Variants in RPH3A observed in about 807,000 individuals in gnomAD.
The protein encoded by RPH3A is rabphilin-3A.
Under a neutral mutation model 102.2 loss-of-function variants are expected in RPH3A, and 48 were observed. The ratio of observed to expected loss-of-function variants is 0.47; its 90% CI spans 0.37 to 0.60. RPH3A has a LOEUF of 0.60. Among genes scored for constraint, RPH3A ranks in the 20% least tolerant of loss-of-function variants. The pLI, the probability that RPH3A is intolerant of heterozygous loss-of-function variation, is 0.00. For synonymous variants in RPH3A, 310 were observed against 324.3 expected, an observed-to-expected ratio of 0.96 and a Z score of 0.47; for missense variants, 781 against 910.1, an observed-to-expected ratio of 0.86 and a Z score of 1.83.
At chr12:112,871,255 G>T (rs1292931740) in intron 10 of RPH3A, among the ~76,000 whole-genome samples, 1 of 152,118 alleles carries the variant, frequency 6.6e-6, no homozygotes, top group Non-Finnish European at 1.5e-5. Context: ...GTGGTGTAAA[G>T]TACATTCACA....
upstream of RPH3A, among the ~76,000 whole-genome samples, chr12:112,788,879 C>T (rs1643857039): frequency 2.0e-5 from 3 of 152,278 alleles, no homozygotes; most frequent in South Asian, 4.2e-4. Context: ...ATTGAGGCAG[C>T]CAGGTGTGGT....
At chr12:112,827,977 G>T (rs1458628048) in intron 2 of RPH3A, among the ~76,000 whole-genome samples, 1 of 152,120 alleles carries the variant, frequency 6.6e-6, no homozygotes, top group East Asian at 1.9e-4. Context: ...AAAGACCCTG[G>T]ATTCGAGTTA....
chr12:112,584,328 A>G (rs2039422626), intron 1 of RPH3A, among the ~76,000 whole-genome samples: 1 of 152,190 alleles, frequency 6.6e-6, no homozygotes, highest in Non-Finnish European at 1.5e-5. Flanking sequence ...GTTTCTGTTC[A>G]TATCTACACT....
intron 1 of RPH3A, among the ~76,000 whole-genome samples, chr12:112,756,081 T>C (rs7965515): frequency 0.08 from 12,147 of 152,130 alleles, 1,271 homozygotes; most frequent in African/African-American, 0.24. Flanking sequence ...TAGTCTCAAA[T>C]AACTAAAAGA....
intron 1 of RPH3A, among the ~76,000 whole-genome samples, chr12:112,687,477 C>T (rs2040273976): frequency 6.6e-6 from 1 of 152,148 alleles, no homozygotes. Flanking sequence ...ACATGGTTAT[C>T]CCTGCTGCAA....
intron 1 of RPH3A, among the ~76,000 whole-genome samples, chr12:112,691,824 A>G (rs955793717): frequency 6.6e-6 from 1 of 152,232 alleles, no homozygotes; most frequent in Non-Finnish European, 1.5e-5. Context: ...GCAATATGTC[A>G]TTGAGTTCTC....
At chr12:112,867,671 C>T (rs1032204085) in intron 7 of RPH3A, among the ~76,000 whole-genome samples, 1 of 152,190 alleles carries the variant, frequency 6.6e-6, no homozygotes, top group Non-Finnish European at 1.5e-5. Context: ...ATAGGTGTAG[C>T]CTAACAGGAA....
intron 1 of RPH3A, among the ~76,000 whole-genome samples, chr12:112,653,314 G>A (rs2039989316): frequency 6.7e-6 from 1 of 150,312 alleles, no homozygotes; most frequent in Non-Finnish European, 1.5e-5. Context: ...AGATTGCAGT[G>A]AGCTGAGATC....
chr12:112,642,873 G>A (rs986583550), intron 1 of RPH3A, among the ~76,000 whole-genome samples: 1 of 152,080 alleles, frequency 6.6e-6, no homozygotes, highest in African/African-American at 2.4e-5. Flanking sequence ...AAATGGGAGT[G>A]GTTTCTCCCC....
intron 1 of RPH3A, among the ~76,000 whole-genome samples, chr12:112,770,733 C>A (rs2040922004): frequency 6.6e-6 from 1 of 152,108 alleles, no homozygotes; most frequent in Admixed American, 6.5e-5. Context: ...GTGGCCCAGT[C>A]TTTGTTCCAT....
At chr12:112,858,317 A>AAAAGGCG (rs2042447656) in intron 5 of RPH3A, among the ~76,000 whole-genome samples, 1 of 151,630 alleles carries the variant, frequency 6.6e-6, no homozygotes, top group Non-Finnish European at 1.5e-5. Flanking sequence ...AAAAGAAAAA[A>AAAAGGCG]AAAGGCGGGC....
intron 1 of RPH3A, among the ~76,000 whole-genome samples, chr12:112,743,096 T>TA (rs1183308620): frequency 3.9e-5 from 6 of 152,322 alleles, no homozygotes; most frequent in Middle Eastern, 6.8e-3. Flanking sequence ...TGATTACACT[T>TA]AAAGTTCCCT....
At chr12:112,637,881 A>C (rs985248789) in intron 1 of RPH3A, among the ~76,000 whole-genome samples, 7 of 151,558 alleles carry the variant, frequency 4.6e-5, no homozygotes, top group South Asian at 2.1e-4. Context: ...TTGTTATCTC[A>C]TGATAAGGAT....
At chr12:112,601,499 C>T (rs1160317037) in intron 1 of RPH3A, among the ~76,000 whole-genome samples, 1 of 152,036 alleles carries the variant, frequency 6.6e-6, no homozygotes, top group Non-Finnish European at 1.5e-5. Context: ...TGTGAATCAG[C>T]GTGGGTGAAT....
rs2040667926 is a variant in RPH3A, at chr12:112,736,145, C to G, written c.-139-55998C>G. ...CAACCTTACCACGTTTTGGACACTT[C>G]TTGGTTGTGGGAGCTTTCCTGGGCA... On this transcript the variant is annotated intron_variant, in intron 1 of 21. Coordinates refer to the RPH3A transcript ENST00000543106. 2.6e-5 allele frequency among the ~76,000 whole-genome samples: 4 copies of G among 152,182 alleles called. No individual in the cohort carries two copies. In the South Asian group the frequency reaches 8.3e-4, roughly 32 times the overall value.
At chr12:112,791,013 A>G (rs2041093540), upstream of RPH3A, 1 of 152,144 alleles carries the variant, frequency 6.6e-6, no homozygotes, top group African/African-American at 2.4e-5. Context: ...TATCATTTTC[A>G]CAGATGGGAC....
At chr12:112,851,780 A>G (rs2042327275) in intron 5 of RPH3A, among the ~76,000 whole-genome samples, 1 of 152,126 alleles carries the variant, frequency 6.6e-6, no homozygotes. Context: ...AAACTCATTA[A>G]CCAACCTCAT....
chr12:112,705,101 G>T (rs546809057), intron 1 of RPH3A, among the ~76,000 whole-genome samples: 1 of 152,238 alleles, frequency 6.6e-6, no homozygotes, highest in African/African-American at 2.4e-5. Context: ...AGTTCTTCTT[G>T]ATCTCAGGGT....
chr12:112,713,266 C>A (rs1739847154), intron 1 of RPH3A, among the ~76,000 whole-genome samples: 1 of 151,726 alleles, frequency 6.6e-6, no homozygotes, highest in Non-Finnish European at 1.5e-5. Flanking sequence ...TGCATATAGC[C>A]TATTGTATTG....
Sources: allele counts gnomAD v4.1 joint callset (sites outside exome capture counted in the v4.1 genomes callset), GRCh38; gene constraint gnomAD v4.1.1; transcripts MANE v1.5; gene names NCBI Gene and HGNC (gene_info 2026-07-23, HGNC 2026-07-21).